The following STAT5B variants were observed in gnomAD, a reference collection of about 807,000 sequenced individuals.
STAT5B encodes the protein signal transducer and activator of transcription 5B.
A neutral mutation model predicts 107.8 loss-of-function variants in STAT5B; 21 were observed. The observed-to-expected ratio is 0.19, with a 90% CI of 0.14 to 0.28. STAT5B has a LOEUF of 0.28. Among genes scored for constraint, STAT5B ranks in the 10% least tolerant of loss-of-function variants. The pLI is 1.00. For missense variants in STAT5B, 565 were observed against 1,008.2 expected (o/e 0.56, Z 5.95); for synonymous variants, 325 against 401.7 (o/e 0.81, Z 2.28).
chr17:42,217,123 ACG>A, intron 11 of STAT5B, 35 bp downstream of exon 11: 1 of 1,593,374 alleles, frequency 6.3e-7, no homozygotes, highest in Non-Finnish European at 8.5e-7. Context: ...ACACACACAC[ACG>A]CACACGCACA....
chr17:42,241,910 C>T (rs2080406732), intron 1 of STAT5B, among the ~76,000 whole-genome samples: 1 of 151,850 alleles, frequency 6.6e-6, no homozygotes, highest in South Asian at 2.1e-4. Flanking sequence ...TAAATACTAC[C>T]CTATATGCAA....
intron 1 of STAT5B, among the ~76,000 whole-genome samples, chr17:42,267,073 G>A (rs1217438769): frequency 1.3e-5 from 2 of 152,086 alleles, no homozygotes; most frequent in Non-Finnish European, 2.9e-5. Context: ...CTCTAGTGAC[G>A]CTGTAGCCAT....
intron 1 of STAT5B, chr17:42,235,171 C>A (rs2144307246): frequency 6.6e-6 from 1 of 152,328 alleles, no homozygotes; most frequent in Admixed American, 6.5e-5. Context: ...TGGTCACTCT[C>A]TATCCTCTTA....
chr17:42,262,868 G>A (rs1282638395), intron 1 of STAT5B, among the ~76,000 whole-genome samples: 1 of 117,768 alleles, frequency 8.5e-6, no homozygotes, highest in African/African-American at 3.3e-5. Flanking sequence ...ACATATATGT[G>A]TGTGTATATA....
intron 5 of STAT5B, among the ~76,000 whole-genome samples, chr17:42,222,008 CTGTGTGTGGTGTGG>C (rs1274255242): frequency 8.5e-4 from 82 of 97,000 alleles, no homozygotes; most frequent in African/African-American, 2.5e-3. Flanking sequence ...TGTGTGTGTG[CTGTGTGTGGTGTGG>C]TGTGTGTGGT....
intron 1 of STAT5B, among the ~76,000 whole-genome samples, chr17:42,262,163 C>A (rs1009943724): frequency 8.6e-5 from 13 of 151,574 alleles, no homozygotes; most frequent in African/African-American, 1.9e-4. Context: ...TGTTAAAATT[C>A]TTTTATTTTT....
rs533293143 is a variant in STAT5B, at chr17:42,215,034, C to T, written c.1473+980G>A. On this transcript the variant is annotated intron_variant, in intron 12 of 18. Transcript: ENST00000293328. ...TGCTGGGATTATAGGCATGAGCCAC[C>T]GCACCCAGCCTATGAGATCTTTAAA... Among the ~76,000 whole-genome samples, 8 of 152,206 alleles carry T rather than the reference C, an allele frequency of 5.3e-5. 1 individual carries two copies. In the South Asian group the frequency reaches 1.7e-3, roughly 32 times the overall value.
intron 11 of STAT5B, 41 bp from the exon 12 acceptor site, chr17:42,216,147 A>C: frequency 6.4e-7 from 1 of 1,560,716 alleles, no homozygotes; most frequent in South Asian, 1.1e-5. Context: ...CACGAGCCTC[A>C]AGTTCTTCTC....
intron 15 of STAT5B, among the ~76,000 whole-genome samples, chr17:42,209,698 A>G (rs1024782883): frequency 6.6e-6 from 1 of 152,134 alleles, no homozygotes; most frequent in Non-Finnish European, 1.5e-5. Context: ...AAAGAGTGAG[A>G]CCCTGTTTCA....
In STAT5B at chr17:42,264,892, T is replaced by C. The variant is rs1285896527; in HGVS notation, c.-11+11356A>G. Among the ~76,000 whole-genome samples, 11 of 129,188 alleles carry C rather than the reference T, an allele frequency of 8.5e-5. No homozygotes were observed. In the South Asian group the frequency reaches 1.7e-3, roughly 20 times the overall value. 84.8% of individuals were successfully genotyped at this position (129,188 alleles called of 152,430 possible). ...CTGTTGTTTCCTGACTTTTTAATGA[T>C]TGCCATTCTAACTGGTGTGAGATGG... On this transcript the variant is annotated intron_variant, in intron 1 of 18. Transcript: ENST00000293328.
At chr17:42,266,698 C>T (rs2080675827) in intron 1 of STAT5B, among the ~76,000 whole-genome samples, 1 of 151,828 alleles carries the variant, frequency 6.6e-6, no homozygotes, top group Non-Finnish European at 1.5e-5. Flanking sequence ...TAGCAAGACC[C>T]CTGTCTCTAT....
intron 1 of STAT5B, among the ~76,000 whole-genome samples, chr17:42,265,866 A>G (rs1291616783): frequency 2.6e-5 from 4 of 152,132 alleles, no homozygotes; most frequent in African/African-American, 9.7e-5. Context: ...GTATGGGTGA[A>G]CACTGTTTCA....
In STAT5B at chr17:42,232,201, G is replaced by A. The variant is rs532154111; in HGVS notation, c.-10-64C>T. The A allele has an allele frequency of 4.0e-5, 62 of 1,535,364 alleles. 1 individual carries two copies. The South Asian group carries it at 7.2e-4, about 18-fold the overall frequency. ...TTATTTTCCCCTTACATCCACCAGA[G>A]TAAATATTCACTTAGTTACCAAGGT... On this transcript the variant is annotated intron_variant, in intron 1 of 18. Transcript: ENST00000293328.
intron 1 of STAT5B, among the ~76,000 whole-genome samples, chr17:42,273,332 T>A (rs2080736536): frequency 6.6e-6 from 1 of 152,230 alleles, no homozygotes; most frequent in Admixed American, 6.5e-5. Flanking sequence ...CAGAGCTAAC[T>A]TTGAAGCATT....
intron 7 of STAT5B, 83 bp from the exon 8 acceptor site, chr17:42,218,961 C>A (rs2080199167): frequency 1.2e-6 from 2 of 1,609,770 alleles, no homozygotes; most frequent in Admixed American, 3.3e-5. Flanking sequence ...TCCCGTTCCC[C>A]CAGGAAGGCT....
intron 1 of STAT5B, among the ~76,000 whole-genome samples, chr17:42,273,817 G>C (rs2080741152): frequency 6.6e-6 from 1 of 152,000 alleles, no homozygotes. Flanking sequence ...AAAAATTACA[G>C]ACAATTTGAA....
chr17:42,208,376 C>T (rs1052760867), intron 15 of STAT5B, among the ~76,000 whole-genome samples: 7 of 151,746 alleles, frequency 4.6e-5, no homozygotes, highest in African/African-American at 1.7e-4. Context: ...GGCACTCATC[C>T]GTAGTCCCAG....
chr17:42,250,225 A>T (rs1326672468), intron 1 of STAT5B, among the ~76,000 whole-genome samples: 1 of 152,198 alleles, frequency 6.6e-6, no homozygotes, highest in African/African-American at 2.4e-5. Context: ...TGGTGGCAAC[A>T]GAGACACCAG....
chr17:42,287,851 CG>C, the STAT5B span: 1 of 152,310 alleles, frequency 6.6e-6, no homozygotes, highest in African/African-American at 2.4e-5. Flanking sequence ...CCAGTTCCTC[CG>C]TCAGGGTTGA....
Sources: allele counts gnomAD v4.1 joint callset (sites outside exome capture counted in the v4.1 genomes callset), GRCh38; gene constraint gnomAD v4.1.1; transcripts MANE v1.5; gene names NCBI Gene and HGNC (gene_info 2026-07-23, HGNC 2026-07-21).